Variants in BRAF observed in about 807,000 individuals in gnomAD.
BRAF encodes B-Raf proto-oncogene, serine/threonine kinase, also known as serine/threonine-protein kinase B-raf.
In BRAF, 16 loss-of-function variants were observed where a neutral mutation model predicts 104.6. The ratio of observed to expected loss-of-function variants is 0.15; its 90% CI spans 0.10 to 0.23. The LOEUF (loss-of-function observed/expected upper bound fraction) is 0.23. BRAF is among the 10% of genes least tolerant of loss of function. The pLI, the probability that BRAF is intolerant of heterozygous loss-of-function variation, is 1.00. For missense variants in BRAF, 541 were observed against 937.3 expected (o/e 0.58, Z 5.52); for synonymous variants, 310 against 341.6 (o/e 0.91, Z 1.02).
In BRAF at chr7:140,722,322, A is replaced by T. The variant is rs1474737928; in HGVS notation, c.*4172T>A. On this transcript the variant is annotated 3_prime_UTR_variant, in exon 20 of 20. Coordinates refer to ENST00000644969, the MANE Select transcript of BRAF (RefSeq NM_001374258.1). ...TAGTGCATTTACCTATGCAGTCTAA[A>T]TTGCACTCTAAAAATTATTAACACA... is the stretch of plus-strand genomic sequence containing the variant. The T allele has an allele frequency of 9.5e-7, 1 of 1,055,512 alleles. No individual in the cohort carries two copies. Among genetic ancestry groups the T allele is most frequent in the African/African-American group, 1.7e-5 (1 of 60,546 alleles). The allele number at this position is 1,055,512 out of a possible 1,614,324, so 65.4% of individuals were successfully genotyped here.
rs577210860 is a variant in BRAF at position 140,922,413 on chromosome 7, T to C, written c.138+2153A>G. Among the ~76,000 whole-genome samples, 8 of 152,330 alleles carry C rather than the reference T, an allele frequency of 5.3e-5. No individual in the cohort carries two copies. In the South Asian group the frequency reaches 6.2e-4, roughly 12 times the overall value. On this transcript the variant is annotated intron_variant, in intron 1 of 19. Coordinates refer to ENST00000644969, the MANE Select transcript of BRAF (RefSeq NM_001374258.1). Reference sequence around the variant, plus strand: ...GGTACAGTTCCAAACAATCTGGCCCTTTCAAATAAAATAGAAGGGTAGAGA... The same window carrying C: ...GGTACAGTTCCAAACAATCTGGCCCCTTCAAATAAAATAGAAGGGTAGAGA...
Position 140,720,612 on chromosome 7 carries a change from C to T in BRAF, c.*5882G>A. On this transcript the variant is annotated 3_prime_UTR_variant, in exon 20 of 20. Transcript: ENST00000644969. ...TCTTACATTTGATTTCAGGTAATTACAGTTTATTTCCCACCCTCACATTAA... is the reference window on the plus strand; with the variant it reads ...TCTTACATTTGATTTCAGGTAATTATAGTTTATTTCCCACCCTCACATTAA... 1 of 1,065,540 alleles carries T rather than the reference C, an allele frequency of 9.4e-7. No individual in the cohort carries two copies. The highest frequency in any genetic ancestry group is 1.6e-5 in the African/African-American group (1 of 61,174). The allele number at this position is 1,065,540 out of a possible 1,614,324, so 66.0% of individuals were successfully genotyped here.
At chr7:140,766,010 T>C (rs1335085471) in intron 14 of BRAF, among the ~76,000 whole-genome samples, 8 of 150,720 alleles carry the variant, frequency 5.3e-5, no homozygotes, top group South Asian at 2.1e-4. Flanking sequence ...CGTATGTTTA[T>C]TGCGGCACTA....
intron 14 of BRAF, among the ~76,000 whole-genome samples, chr7:140,756,842 G>A (rs1419716810): frequency 6.6e-6 from 1 of 152,188 alleles, no homozygotes; most frequent in Non-Finnish European, 1.5e-5. Context: ...TCCACCTATA[G>A]AACCATTTAA....
At chr7:140,768,868 T>A (rs866865847) in intron 14 of BRAF, among the ~76,000 whole-genome samples, 1 of 152,028 alleles carries the variant, frequency 6.6e-6, no homozygotes, top group Non-Finnish European at 1.5e-5. Context: ...TTCTGCCCCT[T>A]TTGTGTGTGC....
chr7:140,916,423 C>T (rs1817640963), intron 1 of BRAF, among the ~76,000 whole-genome samples: 1 of 152,186 alleles, frequency 6.6e-6, no homozygotes, highest in Admixed American at 6.5e-5. Flanking sequence ...TATCACAGAA[C>T]ATGACATAGG....
intron 12 of BRAF, among the ~76,000 whole-genome samples, chr7:140,778,503 C>A (rs1800541089): frequency 6.6e-6 from 1 of 151,896 alleles, no homozygotes; most frequent in Non-Finnish European, 1.5e-5. Flanking sequence ...ACTTTTTTAT[C>A]AGAGTAGTTA....
At position 140,923,903 on chromosome 7, in the gene BRAF, C is replaced by A. The variant is rs566088303; in HGVS notation, c.138+663G>T. On this transcript the variant is annotated intron_variant, in intron 1 of 19. Coordinates refer to ENST00000644969, the MANE Select transcript of BRAF (RefSeq NM_001374258.1). ...GAATAGAATGGGGGTTACCAATCAG[C>A]GACAGAGCGCTGACAAACATTAGGA... is the stretch of plus-strand genomic sequence containing the variant. Among the ~76,000 whole-genome samples the A allele has an allele frequency of 5.3e-5, 8 of 152,218 alleles. No homozygotes were observed. The East Asian group carries it at 1.2e-3, about 22-fold the overall frequency.
chr7:140,771,138 A>G (rs555321319), intron 14 of BRAF, among the ~76,000 whole-genome samples: 58 of 152,068 alleles, frequency 3.8e-4, no homozygotes, highest in African/African-American at 1.3e-3. Flanking sequence ...TTTTGCTTAT[A>G]TTCTGTAATC....
chr7:140,732,850 C>G (rs1796090321), intron 19 of BRAF: 1 of 152,184 alleles, frequency 6.6e-6, no homozygotes, highest in Non-Finnish European at 1.5e-5. Flanking sequence ...GAGCATTCCA[C>G]AAAGTCAATT....
the BRAF span, among the ~76,000 whole-genome samples, chr7:140,713,435 C>T: frequency 2.0e-5 from 3 of 151,844 alleles, no homozygotes; most frequent in Non-Finnish European, 4.4e-5. Flanking sequence ...CGTCACGTAG[C>T]TCTCGTGCCT....
downstream of BRAF, among the ~76,000 whole-genome samples, chr7:140,718,566 T>G (rs1795187720): frequency 6.7e-6 from 1 of 149,470 alleles, no homozygotes; most frequent in South Asian, 2.1e-4. Flanking sequence ...TTGTATTTTT[T>G]AGTAGAGACA....
chr7:140,769,314 G>A (rs963085955), intron 14 of BRAF, among the ~76,000 whole-genome samples: 2 of 151,972 alleles, frequency 1.3e-5, no homozygotes, highest in African/African-American at 4.8e-5. Flanking sequence ...CTGTCCTCAA[G>A]TGATCCACCT....
In BRAF at chr7:140,720,327, C is replaced by A; in HGVS notation, c.*6167G>T. Reference sequence around the variant, plus strand: ...GCATGGCCAAAGGAAACACGGAGGACCCATGGATGCATTTTAAAATGAAGG... The same window carrying A: ...GCATGGCCAAAGGAAACACGGAGGAACCATGGATGCATTTTAAAATGAAGG... On this transcript the variant is annotated 3_prime_UTR_variant, in exon 20 of 20. Coordinates refer to ENST00000644969, the MANE Select transcript of BRAF (RefSeq NM_001374258.1). The A allele has an allele frequency of 3.8e-6, 4 of 1,062,534 alleles. No homozygotes were observed. Among genetic ancestry groups the A allele is most frequent in the Non-Finnish European group, 4.6e-6 (4 of 877,694 alleles). 65.8% of individuals were successfully genotyped at this position (1,062,534 alleles called of 1,614,324 possible).
At position 140,924,202 on chromosome 7, in the gene BRAF, G is replaced by A. The variant is rs1400737099; in HGVS notation, c.138+364C>T. 6.6e-6 allele frequency among the ~76,000 whole-genome samples: 1 copy of A among 152,036 alleles called. No homozygotes were observed. The highest frequency in any genetic ancestry group is 2.4e-5 in the African/African-American group (1 of 41,406). On this transcript the variant is annotated intron_variant, in intron 1 of 19. Transcript: ENST00000644969. This position sits in a 1 kb window ranked among gnomAD's most constrained non-coding sequence, Gnocchi z 4.2. ...GCAACTAACCTATATCCTCCACGTC[G>A]AGGCCGCCGCCGCCCCCACCCCACA...
In BRAF at chr7:140,724,851, A is replaced by T; in HGVS notation, c.*1643T>A. On this transcript the variant is annotated 3_prime_UTR_variant, in exon 20 of 20. Transcript: ENST00000644969. Reference sequence around the variant, plus strand: ...TCCTGATAAGGGAGGTTTTCCATTAATTTGCCATTAATACATCCGCTTTCT... The same window carrying T: ...TCCTGATAAGGGAGGTTTTCCATTATTTTGCCATTAATACATCCGCTTTCT... The T allele has an allele frequency of 9.6e-7, 1 of 1,038,840 alleles. No individual in the cohort carries two copies. 64.4% of individuals were successfully genotyped at this position (1,038,840 alleles called of 1,614,324 possible).
intron 14 of BRAF, among the ~76,000 whole-genome samples, chr7:140,758,831 G>C (rs951919393): frequency 1.3e-5 from 2 of 152,170 alleles, no homozygotes; most frequent in African/African-American, 4.8e-5. Flanking sequence ...AGTTTTAAAA[G>C]TTTCAACACA....
intron 1 of BRAF, among the ~76,000 whole-genome samples, chr7:140,890,986 T>C (rs562032376): frequency 6.6e-6 from 1 of 152,352 alleles, no homozygotes; most frequent in South Asian, 2.1e-4. Flanking sequence ...ACATGCACTT[T>C]TTAAAAGACT....
chr7:140,717,006 A>G (rs1233774172), downstream of BRAF, among the ~76,000 whole-genome samples: 4 of 152,178 alleles, frequency 2.6e-5, no homozygotes, highest in African/African-American at 9.6e-5. Flanking sequence ...CCTTTTGTTT[A>G]CACTAGCAGT....
Sources: allele counts gnomAD v4.1 joint callset (sites outside exome capture counted in the v4.1 genomes callset), GRCh38; gene constraint gnomAD v4.1.1; non-coding constraint Gnocchi (gnomAD v3.1); transcripts MANE v1.5; gene names NCBI Gene and HGNC (gene_info 2026-07-23, HGNC 2026-07-21).